SLC38A11: variants seen among roughly 807,000 people sequenced by gnomAD.
SLC38A11 encodes the protein putative sodium-coupled neutral amino acid transporter 11.
A neutral mutation model predicts 49.4 loss-of-function variants in SLC38A11; 51 were observed. That is an observed-to-expected ratio of 1.03 (90% CI 0.83 to 1.30). The LOEUF is 1.30. SLC38A11 is among the 50% of genes most tolerant of loss of function. The pLI is 0.00. For missense variants in SLC38A11, 574 were observed against 556.2 expected, an observed-to-expected ratio of 1.03 and a Z score of -0.32; for synonymous variants, 203 against 192.9, an observed-to-expected ratio of 1.05 and a Z score of -0.43.
intron 6 of SLC38A11, among the ~76,000 whole-genome samples, chr2:164,938,038 C>T (rs1257973061): frequency 6.6e-6 from 1 of 151,992 alleles, no homozygotes; most frequent in East Asian, 1.9e-4. Flanking sequence ...ATAAACTGGT[C>T]TGTGTGTGTC....
At chr2:164,902,452 G>A (rs968228095) in intron 11 of SLC38A11, among the ~76,000 whole-genome samples, 1 of 152,032 alleles carries the variant, frequency 6.6e-6, no homozygotes, top group African/African-American at 2.4e-5. Context: ...CTAAATGCAA[G>A]CTTTTCATAA....
At chr2:164,935,506 C>CAAA (rs35788781) in intron 7 of SLC38A11, among the ~76,000 whole-genome samples, 9 of 103,806 alleles carry the variant, frequency 8.7e-5, no homozygotes, top group South Asian at 5.8e-4. Flanking sequence ...TCCATCTCTA[C>CAAA]AAAAAAAAAA....
At chr2:164,923,128 A>G (rs1472621070) in intron 7 of SLC38A11, among the ~76,000 whole-genome samples, 3 of 152,212 alleles carry the variant, frequency 2.0e-5, no homozygotes, top group African/African-American at 7.2e-5. Context: ...AATCCTAGAG[A>G]AAACCTAGGA....
chr2:164,902,611 C>A (rs1227154375), intron 11 of SLC38A11, among the ~76,000 whole-genome samples: 2 of 151,930 alleles, frequency 1.3e-5, no homozygotes, highest in Non-Finnish European at 2.9e-5. Flanking sequence ...AAAATAACAG[C>A]AAAATAAATT....
At chr2:164,907,029 C>A (rs1417753217) in intron 11 of SLC38A11, among the ~76,000 whole-genome samples, 2 of 152,102 alleles carry the variant, frequency 1.3e-5, no homozygotes, top group African/African-American at 4.8e-5. Flanking sequence ...TAAGTGCTAA[C>A]TGGTGGGTGA....
chr2:164,952,586 C>A (rs192199742), intron 3 of SLC38A11, 121 bp downstream of exon 3: 18 of 735,802 alleles, frequency 2.4e-5, no homozygotes, highest in Middle Eastern at 3.2e-4. Flanking sequence ...CTTTAGGATT[C>A]TTTGATGCAC....
rs779879652 is a variant in SLC38A11, at chr2:164,954,746, C to T, written c.40-1G>A. 5 of 1,455,596 alleles carry T rather than the reference C, an allele frequency of 3.4e-6. No individual in the cohort carries two copies. In the South Asian group the frequency reaches 5.4e-5, roughly 16 times the overall value. The allele number at this position is 1,455,596 out of a possible 1,614,324, so 90.2% of individuals were successfully genotyped here. A position where few individuals can be genotyped will look rare whatever the true frequency, so the allele number is the denominator to read the frequency against. On this transcript the variant is annotated splice_acceptor_variant, in intron 1 of 11. Coordinates refer to ENST00000685975, the MANE Select transcript of SLC38A11 (RefSeq NM_001351537.2). LOFTEE classifies it high-confidence loss of function. ...GGGTTTCTCTGTCATCTAAATCTCT[C>T]TAATAGATAAAATAGCAATTATAAG...
intron 7 of SLC38A11, among the ~76,000 whole-genome samples, chr2:164,929,972 GT>G (rs751433690): frequency 1.4e-5 from 2 of 147,150 alleles, no homozygotes; most frequent in Non-Finnish European, 3.0e-5. Flanking sequence ...TCCAGGCGCT[GT>G]TTTTTTTTAA....
chr2:164,911,798 G>C lies in SLC38A11; in HGVS notation c.851-50C>G, dbSNP rs200622976. ...TATTTACTAGATACTAAATGTTTGA[G>C]ATAACTATCTAATAAATTAAATATT... On this transcript the variant is annotated intron_variant, in intron 9 of 11. Transcript: ENST00000685975. 24 of 1,000,666 alleles carry C rather than the reference G, an allele frequency of 2.4e-5. No homozygotes were observed. In the East Asian group the frequency reaches 6.6e-4, roughly 28 times the overall value. 62.0% of individuals were successfully genotyped at this position (1,000,666 alleles called of 1,614,324 possible). A position where few individuals can be genotyped will look rare whatever the true frequency, so the allele number is the denominator to read the frequency against.
intron 7 of SLC38A11, among the ~76,000 whole-genome samples, chr2:164,930,374 G>A (rs556644273): frequency 6.6e-6 from 1 of 152,134 alleles, no homozygotes; most frequent in African/African-American, 2.4e-5. Context: ...AAATTGAGGA[G>A]GAGGGGCTCC....
intron 11 of SLC38A11, among the ~76,000 whole-genome samples, chr2:164,905,882 C>T (rs1684969840): frequency 6.6e-6 from 1 of 152,100 alleles, no homozygotes; most frequent in Non-Finnish European, 1.5e-5. Context: ...ACAATGTATT[C>T]TTCTATGATT....
At chr2:164,930,303 G>A (rs192770555) in intron 7 of SLC38A11, among the ~76,000 whole-genome samples, 4 of 152,000 alleles carry the variant, frequency 2.6e-5, no homozygotes, top group Admixed American at 1.3e-4. Flanking sequence ...AACGATTCAC[G>A]GCTGAATTCC....
At position 164,947,905 on chromosome 2, in the gene SLC38A11, T is replaced by G. The variant is rs532376765; in HGVS notation, c.230-2178A>C. ...GAGTACTGCAATAACCCCCTAATAGTTCTTTTACCCACCAATCTGGCCCCC... is the reference window on the plus strand; with the variant it reads ...GAGTACTGCAATAACCCCCTAATAGGTCTTTTACCCACCAATCTGGCCCCC... On this transcript the variant is annotated intron_variant, in intron 3 of 11. Coordinates refer to ENST00000685975, the MANE Select transcript of SLC38A11 (RefSeq NM_001351537.2). Among the ~76,000 whole-genome samples, 5 of 152,288 alleles carry G rather than the reference T, an allele frequency of 3.3e-5. No individual in the cohort carries two copies. In the East Asian group the frequency reaches 9.6e-4, roughly 29 times the overall value.
In SLC38A11 at chr2:164,898,606, A is replaced by G. The variant is rs1239547062; in HGVS notation, c.1220T>C (p.Val407Ala). The G allele has an allele frequency of 6.2e-7, 1 of 1,613,558 alleles. No homozygotes were observed. The highest frequency in any genetic ancestry group is 1.3e-5 in the African/African-American group (1 of 74,872). The change falls in exon 12 of 12, where the codon GTG becomes GCG. Residue 407 changes from valine (V) to alanine (A), a missense_variant. By Grantham distance (64) the Val-to-Ala change is moderately conservative (BLOSUM62 0). Transcript: ENST00000685975. ...MSCVMLPIGA[V>A]VMVFGFVMAI... Reference sequence around the variant, plus strand: ...CATGACGAATCCAAAAACCATCACCACAGCACCAATGGGAAGCATGACACA... The same window carrying G: ...CATGACGAATCCAAAAACCATCACCGCAGCACCAATGGGAAGCATGACACA...
rs749857957 is a variant in SLC38A11, at chr2:164,915,201, C to G, written c.761G>C (p.Arg254Pro). The change falls in exon 9 of 12, where the codon CGC (arginine) becomes CCC (proline). Residue 254 changes from arginine to proline, a missense_variant. By Grantham distance (103) the Arg-to-Pro change is moderately radical (BLOSUM62 -2). Coordinates refer to ENST00000685975, the MANE Select transcript of SLC38A11 (RefSeq NM_001351537.2). ...LEEPTVAKWS[R>P]LIHMSIVISV... is the part of the protein sequence containing the mutation. ...AATCACGATGGACATATGGATAAGG[C>G]GGGACCACTTAGCTACTGTGGGTTC... 37 of 1,611,794 alleles carry G rather than the reference C, an allele frequency of 2.3e-5. No individual in the cohort carries two copies. The highest frequency in any genetic ancestry group is 3.1e-5 in the Non-Finnish European group (36 of 1,178,730).
intron 6 of SLC38A11, among the ~76,000 whole-genome samples, chr2:164,938,705 C>T (rs1309673005): frequency 6.6e-6 from 1 of 152,076 alleles, no homozygotes; most frequent in East Asian, 1.9e-4. Flanking sequence ...CATTAAACAT[C>T]ACAGTGAAAA....
At chr2:164,929,069 T>C (rs1559111647) in intron 7 of SLC38A11, among the ~76,000 whole-genome samples, 1 of 152,232 alleles carries the variant, frequency 6.6e-6, no homozygotes, top group African/African-American at 2.4e-5. Flanking sequence ...GTTACTTTCA[T>C]TCATAGATGT....
At position 164,918,748 on chromosome 2, in the gene SLC38A11, A is replaced by C. The variant is rs200785203; in HGVS notation, c.618-2775T>G. 2.5e-4 allele frequency among the ~76,000 whole-genome samples: 38 copies of C among 152,352 alleles called. No individual in the cohort carries two copies. The East Asian group carries it at 4.2e-3, about 17-fold the overall frequency. On this transcript the variant is annotated intron_variant, in intron 7 of 11. Transcript: ENST00000685975. The stretch of plus-strand genomic sequence containing the variant: ...GAAAATAAGAGTATTCAGCAAGGTT[A>C]CTGGATACAAGTTCAATACACAGAA...
intron 2 of SLC38A11, 90 bp downstream of exon 2, chr2:164,954,541 C>A (rs1688723901): frequency 1.1e-5 from 6 of 555,358 alleles, no homozygotes; most frequent in Non-Finnish European, 1.8e-5. Context: ...GTCTTTTTTT[C>A]TTTAAAAATA....
Sources: allele counts gnomAD v4.1 joint callset (sites outside exome capture counted in the v4.1 genomes callset), GRCh38; gene constraint gnomAD v4.1.1; transcripts MANE v1.5; gene names NCBI Gene and HGNC (gene_info 2026-07-23, HGNC 2026-07-21).